NRXN3: variants seen among roughly 807,000 people sequenced by gnomAD.
NRXN3 encodes neurexin 3.
Under a neutral mutation model 137.6 loss-of-function variants are expected in NRXN3, and 32 were observed. That is an observed-to-expected ratio of 0.23 (90% CI 0.18 to 0.31). NRXN3 has a LOEUF of 0.31. NRXN3 is among the 10% of genes least tolerant of loss of function. NRXN3 has a pLI of 1.00. For synonymous variants in NRXN3, 798 were observed against 784.5 expected (o/e 1.02, Z -0.29); for missense variants, 1,574 against 2,062.5 (o/e 0.76, Z 4.59).
At chr14:79,710,766 A>T (rs976787801) in intron 19 of NRXN3, among the ~76,000 whole-genome samples, 5 of 152,218 alleles carry the variant, frequency 3.3e-5, no homozygotes, top group African/African-American at 9.6e-5. Context: ...CAACATCAGT[A>T]AACAGACAAA....
At chr14:79,519,427 G>A (rs1297489194) in intron 16 of NRXN3, among the ~76,000 whole-genome samples, 1 of 151,592 alleles carries the variant, frequency 6.6e-6, no homozygotes, top group Non-Finnish European at 1.5e-5. Context: ...TTCCCTATAT[G>A]AATTGGCCCT....
In NRXN3 at chr14:79,862,395, GT is replaced by G. The variant is rs1210858763; in HGVS notation, c.*437del. On this transcript the variant is annotated 3_prime_UTR_variant, in exon 21 of 21. Coordinates refer to ENST00000335750, the MANE Select transcript of NRXN3 (RefSeq NM_001330195.2). ...GTTTGTGAAGCTTGACTGTAACCATGTTTTTTCTGTTTAATTATGTAAAAAA... is the reference window on the plus strand; with the variant it reads ...GTTTGTGAAGCTTGACTGTAACCATGTTTTTCTGTTTAATTATGTAAAAAA... 1 of 152,242 alleles carries G rather than the reference GT, an allele frequency of 6.6e-6. No homozygotes were observed. Among genetic ancestry groups the G allele is most frequent in the Non-Finnish European group, 1.5e-5 (1 of 68,566 alleles). 9.4% of individuals were successfully genotyped at this position (152,242 alleles called of 1,614,324 possible). A position where few individuals can be genotyped will look rare whatever the true frequency, so the allele number is the denominator to read the frequency against.
intron 16 of NRXN3, among the ~76,000 whole-genome samples, chr14:79,651,056 G>A (rs779886496): frequency 2.0e-5 from 3 of 152,174 alleles, no homozygotes; most frequent in Non-Finnish European, 4.4e-5. Flanking sequence ...TGGGAATCAC[G>A]TGGTTCAATT....
chr14:78,587,727 A>C (rs1307406364), intron 4 of NRXN3, among the ~76,000 whole-genome samples: 2 of 152,216 alleles, frequency 1.3e-5, no homozygotes, highest in Non-Finnish European at 2.9e-5. Flanking sequence ...AAAATTTTGT[A>C]GGATATCAAC....
At chr14:79,209,060 T>C (rs1171590038) in intron 15 of NRXN3, among the ~76,000 whole-genome samples, 1 of 152,122 alleles carries the variant, frequency 6.6e-6, no homozygotes, top group Non-Finnish European at 1.5e-5. Context: ...TGCCTCAGCC[T>C]CCCGAGTAGC....
intron 15 of NRXN3, among the ~76,000 whole-genome samples, chr14:79,274,570 G>A (rs940850423): frequency 5.9e-5 from 9 of 151,348 alleles, no homozygotes; most frequent in Admixed American, 5.9e-4. Context: ...GGTTGTAAAT[G>A]CCCAAATCTC....
intron 15 of NRXN3, chr14:79,074,554 T>C (rs1469546471): frequency 6.6e-6 from 1 of 152,198 alleles, no homozygotes; most frequent in East Asian, 1.9e-4. Context: ...TTACCAGGCC[T>C]GTTCAGCTGT....
chr14:78,798,670 C>G (rs750136501), intron 8 of NRXN3, among the ~76,000 whole-genome samples: 53 of 152,216 alleles, frequency 3.5e-4, no homozygotes, highest in Admixed American at 3.5e-3. Context: ...AGCAGAGGCT[C>G]TCCATGAGGG....
intron 1 of NRXN3, among the ~76,000 whole-genome samples, chr14:78,172,329 T>C (rs191891470): frequency 1.3e-5 from 2 of 152,270 alleles, no homozygotes; most frequent in African/African-American, 4.8e-5. Flanking sequence ...GGGTAGAGCC[T>C]TCCTTCATCG....
At chr14:79,079,400 A>T (rs1305619890) in intron 15 of NRXN3, among the ~76,000 whole-genome samples, 1 of 152,208 alleles carries the variant, frequency 6.6e-6, no homozygotes, top group Admixed American at 6.5e-5. Flanking sequence ...TGGTTTCTCC[A>T]TGAAGAAAAA....
intron 15 of NRXN3, among the ~76,000 whole-genome samples, chr14:79,023,031 G>A (rs766934544): frequency 4.6e-5 from 7 of 151,782 alleles, no homozygotes; most frequent in Non-Finnish European, 8.8e-5. Flanking sequence ...CACCTCTCCT[G>A]CTAAGCACTT....
intron 4 of NRXN3, among the ~76,000 whole-genome samples, chr14:78,633,460 C>T (rs2097540983): frequency 6.6e-6 from 1 of 152,058 alleles, no homozygotes; most frequent in South Asian, 2.1e-4. Context: ...CTCCCCACTC[C>T]CCTTCAACAT....
intron 19 of NRXN3, among the ~76,000 whole-genome samples, chr14:79,772,455 C>T (rs891729535): frequency 2.7e-4 from 41 of 152,112 alleles, no homozygotes; most frequent in Non-Finnish European, 4.9e-4. Context: ...CAGAACAGAG[C>T]CCTCAGAAAT....
intron 16 of NRXN3, among the ~76,000 whole-genome samples, chr14:79,520,548 T>C (rs1034525544): frequency 6.6e-6 from 1 of 152,210 alleles, no homozygotes; most frequent in Non-Finnish European, 1.5e-5. Context: ...GTGTTTAGTT[T>C]CTGTTCCTGT....
chr14:79,200,505 G>A (rs2065821377), intron 15 of NRXN3, among the ~76,000 whole-genome samples: 1 of 152,156 alleles, frequency 6.6e-6, no homozygotes, highest in African/African-American at 2.4e-5. Context: ...GTCATCTGGA[G>A]ATGAAGATGG....
intron 1 of NRXN3, among the ~76,000 whole-genome samples, chr14:78,172,292 A>T (rs558520097): frequency 6.6e-6 from 1 of 152,242 alleles, no homozygotes; most frequent in African/African-American, 2.4e-5. Context: ...AGGCTGGAGA[A>T]CTGGCTCTTT....
At chr14:79,745,753 T>TC (rs1345181583) in intron 19 of NRXN3, among the ~76,000 whole-genome samples, 1 of 147,710 alleles carries the variant, frequency 6.8e-6, no homozygotes, top group Non-Finnish European at 1.5e-5. Flanking sequence ...AGAGCCATGC[T>TC]CCCCCCTGCA....
At chr14:78,983,869 A>AG (rs958237573) in intron 14 of NRXN3, among the ~76,000 whole-genome samples, 3 of 150,334 alleles carry the variant, frequency 2.0e-5, no homozygotes, top group African/African-American at 7.3e-5. Context: ...AAAAAAAAAA[A>AG]AAAGAAAAAA....
chr14:78,546,656 A>G (rs1208866504), intron 4 of NRXN3, among the ~76,000 whole-genome samples: 1 of 151,978 alleles, frequency 6.6e-6, no homozygotes, highest in Non-Finnish European at 1.5e-5. Flanking sequence ...TTAGAAATTT[A>G]TTTTTGTGTT....
Sources: allele counts gnomAD v4.1 joint callset (sites outside exome capture counted in the v4.1 genomes callset), GRCh38; gene constraint gnomAD v4.1.1; transcripts MANE v1.5; gene names NCBI Gene and HGNC (gene_info 2026-07-23, HGNC 2026-07-21).